SLC17A8: variants seen among roughly 807,000 people sequenced by gnomAD.
SLC17A8 encodes the protein vesicular glutamate transporter 3.
SLC17A8 carries 31 observed loss-of-function variants against 58.0 expected under a neutral mutation model. The ratio of observed to expected loss-of-function variants is 0.53; its 90% CI spans 0.40 to 0.72. SLC17A8 has a LOEUF of 0.72. Among genes scored for constraint, SLC17A8 ranks in the 30% least tolerant of loss-of-function variants. The probability of loss-of-function intolerance (pLI) is 0.00; values close to 1 mark genes in which losing one functional copy is unlikely to be tolerated. For missense variants in SLC17A8, 655 were observed against 727.8 expected (o/e 0.90, Z 1.15); for synonymous variants, 228 against 249.0 (o/e 0.92, Z 0.79).
In SLC17A8 at chr12:100,397,218, T is replaced by A. The variant is rs374268248; in HGVS notation, c.676+801T>A. Among the ~76,000 whole-genome samples, 9 of 152,116 alleles carry A rather than the reference T, an allele frequency of 5.9e-5. 1 individual carries two copies. In the East Asian group the frequency reaches 9.6e-4, roughly 16 times the overall value. On this transcript the variant is annotated intron_variant, in intron 5 of 11. Transcript: ENST00000323346. ...TAAGGACAAAAGTGGAAAGATGGGATCATCAAGCATCCCACGCCTCTTCTT... is the reference window on the plus strand; with the variant it reads ...TAAGGACAAAAGTGGAAAGATGGGAACATCAAGCATCCCACGCCTCTTCTT...
At chr12:100,416,996 C>A (rs1026756678) in intron 10 of SLC17A8, among the ~76,000 whole-genome samples, 3 of 152,206 alleles carry the variant, frequency 2.0e-5, no homozygotes, top group Non-Finnish European at 4.4e-5. Flanking sequence ...ACCTCCAACT[C>A]CTGGGTTCAA....
chr12:100,386,725 G>C (rs1307512742), intron 2 of SLC17A8, among the ~76,000 whole-genome samples: 5 of 138,470 alleles, frequency 3.6e-5, no homozygotes, highest in Non-Finnish European at 7.6e-5. Flanking sequence ...GTCTTACTCT[G>C]TCACCCAGGC....
At chr12:100,400,554 G>A (rs947399510) in intron 5 of SLC17A8, among the ~76,000 whole-genome samples, 29 of 152,094 alleles carry the variant, frequency 1.9e-4, no homozygotes, top group Admixed American at 3.9e-4. Context: ...TTCACCGAGG[G>A]TCAGGCTCAC....
intron 9 of SLC17A8, among the ~76,000 whole-genome samples, chr12:100,405,705 A>G (rs151226342): frequency 2.7e-4 from 41 of 152,326 alleles, no homozygotes; most frequent in African/African-American, 7.9e-4. Context: ...GAACTGTACA[A>G]TAGTGCAGAG....
rs776625466 is a variant in SLC17A8 at position 100,420,165 on chromosome 12, G to C, written c.*6G>C. On this transcript the variant is annotated 3_prime_UTR_variant, in exon 12 of 12. Coordinates refer to ENST00000323346, the MANE Select transcript of SLC17A8 (RefSeq NM_139319.3). ...ACTTCTCAACTATATCCTAATGTCT[G>C]AGAGGCACTTCTGTCTTCTCCTTAC... is the stretch of plus-strand genomic sequence containing the variant. The C allele has an allele frequency of 3.4e-5, 54 of 1,604,472 alleles. No homozygotes were observed. The Admixed American group carries it at 9.0e-4, about 27-fold the overall frequency.
chr12:100,386,734 G>C (rs1952677554), intron 2 of SLC17A8, among the ~76,000 whole-genome samples: 1 of 147,264 alleles, frequency 6.8e-6, no homozygotes, highest in Non-Finnish European at 1.5e-5. Context: ...TGTCACCCAG[G>C]CTGGAGTGCA....
At chr12:100,410,155 T>C (rs1261297958) in intron 9 of SLC17A8, among the ~76,000 whole-genome samples, 2 of 152,108 alleles carry the variant, frequency 1.3e-5, no homozygotes, top group African/African-American at 4.8e-5. Flanking sequence ...AGGTCAGAAG[T>C]TGGAGACCAG....
In SLC17A8 at chr12:100,380,961, T is replaced by C; in HGVS notation, c.354+8T>C. On this transcript the variant is annotated splice_region_variant and intron_variant, in intron 2 of 11. Coordinates refer to ENST00000323346, the MANE Select transcript of SLC17A8 (RefSeq NM_139319.3). ...GGAAAACCGGAAATTCAGGTTGGTA[T>C]CAGTCCATGGTGGAAGACTTTTCTT... 6.2e-7 allele frequency: 1 copy of C among 1,613,930 alleles called. No homozygotes were observed. The highest frequency in any genetic ancestry group is 2.2e-5 in the East Asian group (1 of 44,888).
chr12:100,404,878 A>T (rs1952815830), intron 9 of SLC17A8, among the ~76,000 whole-genome samples: 1 of 152,234 alleles, frequency 6.6e-6, no homozygotes, highest in Admixed American at 6.5e-5. Context: ...CCTGCAAGGT[A>T]TCAGGTAGGC....
chr12:100,419,395 G>A lies in SLC17A8; in HGVS notation c.1426-420G>A, dbSNP rs190358375. Among the ~76,000 whole-genome samples the A allele has an allele frequency of 3.4e-3, 523 of 152,084 alleles. 9 individuals carry two copies. Among genetic ancestry groups the A allele is most frequent in the African/African-American group, 0.012 (513 of 41,496 alleles). ...TAAAAATACAAAAAATTAGCCAGGC[G>A]TGGTGGCGGGCACCTGTAGTCCCAG... On this transcript the variant is annotated intron_variant, in intron 11 of 11. Transcript: ENST00000323346.
In SLC17A8 at chr12:100,417,956, A is replaced by G. The variant is rs1476203141; in HGVS notation, c.1298-73A>G. 5.0e-6 allele frequency: 8 copies of G among 1,594,424 alleles called. No homozygotes were observed. The African/African-American group carries it at 1.1e-4, about 21-fold the overall frequency. On this transcript the variant is annotated intron_variant, in intron 10 of 11. Coordinates refer to ENST00000323346, the MANE Select transcript of SLC17A8 (RefSeq NM_139319.3). ...CAAACAGATTGGTAAAGGCTGGGGC[A>G]ACTGAGTATTTTCCAAAGCATATTT...
intron 9 of SLC17A8, among the ~76,000 whole-genome samples, chr12:100,412,110 G>A (rs1489512001): frequency 2.6e-5 from 4 of 152,042 alleles, no homozygotes; most frequent in African/African-American, 9.7e-5. Context: ...ACAATGGCAG[G>A]GACAGCTACC....
intron 1 of SLC17A8, among the ~76,000 whole-genome samples, chr12:100,373,597 T>C (rs1469900732): frequency 2.1e-5 from 3 of 142,122 alleles, no homozygotes; most frequent in African/African-American, 8.7e-5. Flanking sequence ...TTTTTTTTTT[T>C]TTTCCGAGAC....
At chr12:100,363,860 G>A (rs1038805299) in intron 1 of SLC17A8, among the ~76,000 whole-genome samples, 2 of 151,836 alleles carry the variant, frequency 1.3e-5, no homozygotes, top group African/African-American at 4.8e-5. Flanking sequence ...GGTCAACATG[G>A]TGAAACATAT....
At chr12:100,414,776 A>G (rs1684942426) in intron 10 of SLC17A8, among the ~76,000 whole-genome samples, 1 of 152,240 alleles carries the variant, frequency 6.6e-6, no homozygotes, top group Non-Finnish European at 1.5e-5. Context: ...TTATTGTTCT[A>G]TTAGTACACA....
intron 9 of SLC17A8, among the ~76,000 whole-genome samples, chr12:100,412,085 G>C (rs1223166485): frequency 1.3e-5 from 2 of 152,068 alleles, no homozygotes; most frequent in African/African-American, 4.8e-5. Flanking sequence ...TTATATAGTA[G>C]AGTTTTAGTA....
At position 100,391,045 on chromosome 12, in the gene SLC17A8, T is replaced by C. The variant is rs1428567519; in HGVS notation, c.399T>C (p.His133=). The C allele has an allele frequency of 1.2e-6, 2 of 1,614,032 alleles. No homozygotes were observed. Among genetic ancestry groups the C allele is most frequent in the Non-Finnish European group, 1.7e-6 (2 of 1,179,900 alleles). Residue 133 remains histidine, a synonymous_variant, in exon 3 of 12, where the codon CAT becomes CAC. Transcript: ENST00000323346. ...NWDPETVGLI[H]GSFFWGYIMT... ...ATCCAGAAACAGTGGGCCTTATCCA[T>C]GGATCTTTTTTCTGGGGCTATATTA...
intron 2 of SLC17A8, 79 bp downstream of exon 2, chr12:100,381,032 C>T: frequency 6.4e-7 from 1 of 1,563,610 alleles, no homozygotes; most frequent in South Asian, 1.1e-5. Context: ...AGTACAGTGG[C>T]ACGATCTTGG....
chr12:100,402,284 T>A, intron 6 of SLC17A8, 56 bp from the exon 7 acceptor site: 4 of 1,604,026 alleles, frequency 2.5e-6, no homozygotes, highest in Non-Finnish European at 3.4e-6. Flanking sequence ...ATTGAAAAAT[T>A]TAGAAACGGA....
Sources: allele counts gnomAD v4.1 joint callset (sites outside exome capture counted in the v4.1 genomes callset), GRCh38; gene constraint gnomAD v4.1.1; transcripts MANE v1.5; gene names NCBI Gene and HGNC (gene_info 2026-07-23, HGNC 2026-07-21).